PLCB4: variants seen among roughly 807,000 people sequenced by gnomAD.
PLCB4 encodes phospholipase C beta 4.
PLCB4 carries 77 observed loss-of-function variants against 178.8 expected under a neutral mutation model. That is an observed-to-expected ratio of 0.43 (90% confidence interval 0.36 to 0.52). The LOEUF (loss-of-function observed/expected upper bound fraction) is 0.52, where lower values mean the gene tolerates loss of function less well. Among genes scored for constraint, PLCB4 ranks in the 20% least tolerant of loss-of-function variants. The pLI is 0.00. For synonymous variants in PLCB4, 496 were observed against 490.8 expected (o/e 1.01, Z -0.14); for missense variants, 1,024 against 1,453.4 (o/e 0.70, Z 4.80).
rs2094567463 is a variant in PLCB4 at position 9,290,088 on chromosome 20, G to A, written c.-15-17712G>A. The stretch of plus-strand genomic sequence containing the variant: ...CCTGGTCTCCAGGTCAGGCCGTTGA[G>A]TTCTCTCTGATGTGTCTTTGAAACT... On this transcript the variant is annotated intron_variant, in intron 3 of 39. Transcript: ENST00000378473. Among the ~76,000 whole-genome samples, 3 of 151,282 alleles carry A rather than the reference G, an allele frequency of 2.0e-5. No individual in the cohort carries two copies. The South Asian group carries it at 6.3e-4, about 32-fold the overall frequency.
At chr20:9,333,544 C>T (rs1256878775) in intron 4 of PLCB4, among the ~76,000 whole-genome samples, 3 of 152,092 alleles carry the variant, frequency 2.0e-5, no homozygotes, top group Non-Finnish European at 4.4e-5. Flanking sequence ...TGAAGGATCC[C>T]AGATCGTTCA....
intron 1 of PLCB4, among the ~76,000 whole-genome samples, chr20:9,084,238 A>C (rs2090295424): frequency 6.6e-6 from 1 of 152,084 alleles, no homozygotes; most frequent in Non-Finnish European, 1.5e-5. Context: ...TTTCTACATG[A>C]ATTGCACATA....
chr20:9,328,505 C>T (rs1412064217), intron 4 of PLCB4, among the ~76,000 whole-genome samples: 1 of 152,188 alleles, frequency 6.6e-6, no homozygotes, highest in African/African-American at 2.4e-5. Context: ...CAAAACACTT[C>T]AGAAACCCAT....
intron 3 of PLCB4, among the ~76,000 whole-genome samples, chr20:9,305,813 T>C (rs191080462): frequency 1.5e-3 from 222 of 152,312 alleles, no homozygotes; most frequent in African/African-American, 5.1e-3. Context: ...TTCAAAATTG[T>C]CTTACTGCAT....
chr20:9,085,384 T>A (rs1398482815), intron 1 of PLCB4, among the ~76,000 whole-genome samples: 2 of 152,326 alleles, frequency 1.3e-5, no homozygotes, highest in African/African-American at 4.8e-5. Flanking sequence ...TCTCAAATTT[T>A]AAATCAGACA....
intron 12 of PLCB4, among the ~76,000 whole-genome samples, chr20:9,376,072 AC>A (rs1277411787): frequency 6.7e-6 from 1 of 149,958 alleles, no homozygotes; most frequent in Admixed American, 6.7e-5. Context: ...CTGTAGGGTG[AC>A]CTCCTCCCTA....
intron 3 of PLCB4, among the ~76,000 whole-genome samples, chr20:9,255,401 A>G (rs1379389510): frequency 1.3e-5 from 2 of 152,084 alleles, no homozygotes; most frequent in African/African-American, 4.8e-5. Flanking sequence ...TTAAAGAACT[A>G]GCCATTGAGT....
intron 2 of PLCB4, among the ~76,000 whole-genome samples, chr20:9,191,190 A>G (rs2093397961): frequency 1.3e-5 from 2 of 152,146 alleles, no homozygotes; most frequent in African/African-American, 4.8e-5. Flanking sequence ...TACATGGAAT[A>G]TCAGGGCTAT....
intron 2 of PLCB4, among the ~76,000 whole-genome samples, chr20:9,097,779 A>G (rs1449181487): frequency 2.0e-5 from 3 of 152,074 alleles, no homozygotes; most frequent in South Asian, 2.1e-4. Context: ...CTCACATGTT[A>G]CTTATAAAGC....
At chr20:9,370,735 C>G (rs2036180075) in intron 9 of PLCB4, among the ~76,000 whole-genome samples, 1 of 151,856 alleles carries the variant, frequency 6.6e-6, no homozygotes, top group African/African-American at 2.4e-5. Flanking sequence ...TGATGAAACC[C>G]CGTCTCTACT....
chr20:9,322,411 G>A (rs529072607), intron 4 of PLCB4, among the ~76,000 whole-genome samples: 1 of 152,282 alleles, frequency 6.6e-6, no homozygotes, highest in East Asian at 1.9e-4. Context: ...AAACTAACAA[G>A]GAGCATATAA....
rs140271523 is a variant in PLCB4, at chr20:9,367,330, G to A, written c.503+1816G>A. On this transcript the variant is annotated intron_variant, in intron 9 of 39. Coordinates refer to ENST00000378473, the MANE Select transcript of PLCB4 (RefSeq NM_001377142.1). ...TCATGGACCTCATGCATTTGTTGTG[G>A]TCTTTCCAAATCTATCTGTAGGATT... Among the ~76,000 whole-genome samples, 98 of 152,174 alleles carry A rather than the reference G, an allele frequency of 6.4e-4. No individual in the cohort carries two copies. The East Asian group carries it at 0.018, about 29-fold the overall frequency.
chr20:9,200,205 C>A (rs923962173), intron 2 of PLCB4, among the ~76,000 whole-genome samples: 8 of 151,828 alleles, frequency 5.3e-5, no homozygotes, highest in African/African-American at 1.9e-4. Flanking sequence ...TAAAACTATT[C>A]ATTGTTTTTC....
chr20:9,414,116 C>G (rs560001058), intron 25 of PLCB4, among the ~76,000 whole-genome samples: 4 of 152,224 alleles, frequency 2.6e-5, no homozygotes, highest in Non-Finnish European at 5.9e-5. Flanking sequence ...GATACTGTTG[C>G]TACTTTAGCC....
chr20:9,109,004 C>T (rs1210459442), intron 2 of PLCB4, among the ~76,000 whole-genome samples: 1 of 150,152 alleles, frequency 6.7e-6, no homozygotes, highest in African/African-American at 2.4e-5. Flanking sequence ...TATTGAGTCC[C>T]AGAAATGTAA....
At chr20:9,232,723 A>C (rs1176159902) in intron 3 of PLCB4, among the ~76,000 whole-genome samples, 1 of 152,176 alleles carries the variant, frequency 6.6e-6, no homozygotes, top group Non-Finnish European at 1.5e-5. Context: ...TATGTCAATC[A>C]AATATTATTT....
At chr20:9,401,008 C>T (rs773537234) in intron 19 of PLCB4, among the ~76,000 whole-genome samples, 1 of 152,090 alleles carries the variant, frequency 6.6e-6, no homozygotes, top group African/African-American at 2.4e-5. Context: ...TTTTTTCTAC[C>T]ACTCCAAGCT....
intron 29 of PLCB4, 50 bp downstream of exon 29, chr20:9,435,698 A>T: frequency 5.8e-6 from 6 of 1,039,740 alleles, no homozygotes; most frequent in Non-Finnish European, 9.0e-6. Context: ...GAGTTTGATT[A>T]TCAAACAGTG....
At chr20:9,415,265 A>G (rs1304162376) in intron 25 of PLCB4, among the ~76,000 whole-genome samples, 1 of 151,964 alleles carries the variant, frequency 6.6e-6, no homozygotes, top group African/African-American at 2.4e-5. Context: ...TTTATTTTCC[A>G]ATTTTTATAT....
Sources: gnomAD v4.1 joint callset for allele counts (sites outside exome capture counted in the v4.1 genomes callset) on GRCh38, gnomAD v4.1.1 for gene constraint, MANE v1.5 for transcripts, NCBI Gene and HGNC (gene_info 2026-07-23, HGNC 2026-07-21) for gene names.